The following SYTL5 variants were observed in gnomAD, a reference collection of about 807,000 sequenced individuals.
SYTL5 encodes synaptotagmin like 5, also known as synaptotagmin-like protein 5.
Under a neutral mutation model 55.9 loss-of-function variants are expected in SYTL5, and 34 were observed. The ratio of observed to expected loss-of-function variants is 0.61; its 90% CI spans 0.46 to 0.81. The LOEUF is 0.81. Ranked by LOEUF, SYTL5 falls within the 30% of genes least tolerant of loss-of-function variation. The pLI, the probability that SYTL5 is intolerant of heterozygous loss-of-function variation, is 0.00. For synonymous variants in SYTL5, 221 were observed against 188.7 expected (o/e 1.17, Z -1.40); for missense variants, 637 against 546.7 (o/e 1.17, Z -1.65).
chrX:38,056,080 A>G (rs1412559215), intron 3 of SYTL5, among the ~76,000 whole-genome samples: 1 of 111,574 alleles, frequency 9.0e-6, no homozygotes, highest in Non-Finnish European at 1.9e-5. Context: ...AACTATTTTT[A>G]TACCTGTTAG....
At chrX:38,094,158 G>A in intron 7 of SYTL5, 137 bp from the exon 8 acceptor site, 1 of 500,578 alleles carries the variant, frequency 2.0e-6, no homozygotes, top group Non-Finnish European at 3.1e-6. Flanking sequence ...CCTGGTGAGG[G>A]TCCTTCAAAT....
the SYTL5 span, among the ~76,000 whole-genome samples, chrX:37,893,355 A>G: frequency 1.0e-5 from 1 of 99,024 alleles, no homozygotes; most frequent in East Asian, 3.1e-4. Context: ...TATATATAAC[A>G]TACTACACTA....
chrX:38,035,569 C>T (rs1259196268), intron 2 of SYTL5, among the ~76,000 whole-genome samples: 1 of 94,374 alleles, frequency 1.1e-5, no homozygotes, highest in African/African-American at 4.1e-5. Context: ...CCAGCCTGGG[C>T]GGCAGAGCCA....
the SYTL5 span, among the ~76,000 whole-genome samples, chrX:37,892,697 CATATATTAGTATATATGT>C: frequency 9.7e-5 from 8 of 82,832 alleles, no homozygotes; most frequent in South Asian, 3.2e-3. Flanking sequence ...AGTATATATA[CATATATTAGTATATATGT>C]ATATATTAGT....
chrX:38,040,640 G>T (rs1679939907), intron 2 of SYTL5, among the ~76,000 whole-genome samples: 2 of 111,617 alleles, frequency 1.8e-5, no homozygotes, highest in African/African-American at 3.3e-5. Context: ...CATCCATGTT[G>T]TTGCAAATGA....
At chrX:37,892,481 T>C in the SYTL5 span, among the ~76,000 whole-genome samples, 1 of 100,351 alleles carries the variant, frequency 1.0e-5, no homozygotes, top group Non-Finnish European at 2.0e-5. Context: ...TGTATATGTG[T>C]ATATACATAT....
chrX:38,069,326 A>G (rs1219251442), intron 3 of SYTL5, among the ~76,000 whole-genome samples: 2 of 112,072 alleles, frequency 1.8e-5, no homozygotes, highest in East Asian at 5.5e-4. Context: ...TCGTTTCTCT[A>G]CTCCAGGTTC....
the SYTL5 span, among the ~76,000 whole-genome samples, chrX:37,911,753 T>C: frequency 6.3e-5 from 7 of 111,595 alleles, no homozygotes; most frequent in Non-Finnish European, 9.4e-5. Context: ...TTTGTTACTG[T>C]TATTAGAAAA....
At chrX:38,004,683 AT>A (rs1482102474), upstream of SYTL5, among the ~76,000 whole-genome samples, 5 of 111,274 alleles carry the variant, frequency 4.5e-5, no homozygotes, top group East Asian at 8.4e-4. Context: ...CAGAAAAAAA[AT>A]TTTGCATATT....
At chrX:37,953,027 G>A in the SYTL5 span, among the ~76,000 whole-genome samples, 7 of 111,482 alleles carry the variant, frequency 6.3e-5, no homozygotes, top group Non-Finnish European at 3.8e-5. Context: ...GGGTAAACAT[G>A]TCTTGGGACT....
At chrX:37,960,532 A>G in the SYTL5 span, among the ~76,000 whole-genome samples, 3 of 111,727 alleles carry the variant, frequency 2.7e-5, no homozygotes, top group Non-Finnish European at 5.6e-5. Flanking sequence ...GCTACTTTAT[A>G]ACAAGAATGG....
At chrX:37,915,717 G>A in the SYTL5 span, among the ~76,000 whole-genome samples, 2 of 111,333 alleles carry the variant, frequency 1.8e-5, no homozygotes, top group Admixed American at 9.5e-5. Context: ...TTAAATGTCA[G>A]ATAAAGATTA....
chrX:37,921,399 C>T, the SYTL5 span, among the ~76,000 whole-genome samples: 1 of 110,991 alleles, frequency 9.0e-6, no homozygotes, highest in Non-Finnish European at 1.9e-5. Flanking sequence ...CCGGGAACCT[C>T]TTCTGTTATT....
chrX:38,032,963 G>T (rs1301594509), intron 1 of SYTL5, among the ~76,000 whole-genome samples: 1 of 111,798 alleles, frequency 8.9e-6, no homozygotes, highest in Non-Finnish European at 1.9e-5. Flanking sequence ...GGCCTCAAGA[G>T]ATCCTCCCAC....
the SYTL5 span, among the ~76,000 whole-genome samples, chrX:37,961,796 T>G: frequency 6.2e-5 from 7 of 112,282 alleles, no homozygotes; most frequent in African/African-American, 2.3e-4. Context: ...TACTGTATGA[T>G]GTACATTACA....
chrX:37,967,093 C>A, the SYTL5 span, among the ~76,000 whole-genome samples: 6 of 111,526 alleles, frequency 5.4e-5, no homozygotes, highest in South Asian at 1.9e-3. Context: ...GCTCTGTCGC[C>A]CAGGCTGGAG....
chrX:37,951,450 G>A, the SYTL5 span, among the ~76,000 whole-genome samples: 12 of 111,243 alleles, frequency 1.1e-4, no homozygotes, highest in South Asian at 3.7e-4. Flanking sequence ...TAAGCATGCC[G>A]TATGTGTCAG....
upstream of SYTL5, among the ~76,000 whole-genome samples, chrX:38,001,791 CCTTT>C (rs1933865522): frequency 9.0e-6 from 1 of 111,209 alleles, no homozygotes; most frequent in Non-Finnish European, 1.9e-5. Flanking sequence ...ATACTGATTT[CCTTT>C]CTTTTAGTTA....
At chrX:38,120,174 A>G (rs1336936339) in intron 13 of SYTL5, among the ~76,000 whole-genome samples, 184 bp from the exon 14 acceptor site, 1 of 112,447 alleles carries the variant, frequency 8.9e-6, no homozygotes, top group East Asian at 2.8e-4. Context: ...GCCTTCATAG[A>G]GTTTTCCAGC....
Sources: gnomAD v4.1 joint callset for allele counts (sites outside exome capture counted in the v4.1 genomes callset) on GRCh38, gnomAD v4.1.1 for gene constraint, MANE v1.5 for transcripts, NCBI Gene and HGNC (gene_info 2026-07-23, HGNC 2026-07-21) for gene names.